The following CPNE8 variants were observed in gnomAD, a reference collection of about 807,000 sequenced individuals.
CPNE8 encodes the protein copine 8, also known as copine-8.
In CPNE8, 45 loss-of-function variants were observed where a neutral mutation model predicts 81.5. The observed-to-expected ratio is 0.55, with a 90% CI of 0.44 to 0.71. The LOEUF (loss-of-function observed/expected upper bound fraction) is 0.71, where lower values mean the gene tolerates loss of function less well. Ranked by LOEUF, CPNE8 falls within the 30% of genes least tolerant of loss-of-function variation. CPNE8 has a pLI of 0.00. For synonymous variants in CPNE8, 252 were observed against 226.3 expected (o/e 1.11, Z -1.02); for missense variants, 594 against 672.1 (o/e 0.88, Z 1.28).
chr12:38,816,396 G>T (rs1461639787), intron 6 of CPNE8, among the ~76,000 whole-genome samples: 1 of 152,080 alleles, frequency 6.6e-6, no homozygotes, highest in Non-Finnish European at 1.5e-5. Flanking sequence ...ATGGGGGAAG[G>T]TATTCAGCCT....
intron 19 of CPNE8, among the ~76,000 whole-genome samples, chr12:38,661,825 T>G (rs1022869774): frequency 6.6e-6 from 1 of 151,674 alleles, no homozygotes; most frequent in Non-Finnish European, 1.5e-5. Context: ...GTAGGATTTA[T>G]CTCAGGAATG....
intron 1 of CPNE8, among the ~76,000 whole-genome samples, chr12:38,887,051 G>A (rs1944247185): frequency 6.6e-6 from 1 of 152,166 alleles, no homozygotes; most frequent in Non-Finnish European, 1.5e-5. Context: ...TAAATCAAGA[G>A]AGACAAGCAC....
intron 16 of CPNE8, among the ~76,000 whole-genome samples, chr12:38,678,126 G>A (rs1002545092): frequency 1.3e-5 from 2 of 151,886 alleles, no homozygotes; most frequent in African/African-American, 2.4e-5. Context: ...AATGGTATAC[G>A]TTTAAATGGT....
intron 6 of CPNE8, among the ~76,000 whole-genome samples, chr12:38,790,754 T>A (rs563033927): frequency 6.6e-6 from 1 of 151,708 alleles, no homozygotes; most frequent in Admixed American, 6.6e-5. Flanking sequence ...ATTAAAAAGA[T>A]TTAAAAACAA....
intron 6 of CPNE8, among the ~76,000 whole-genome samples, chr12:38,795,875 A>AGATAGATAGATAGATG (rs1220335254): frequency 5.3e-5 from 8 of 151,804 alleles, no homozygotes; most frequent in Admixed American, 4.6e-4. Context: ...ATGGATAGAT[A>AGATAGATAGATAGATG]GATAGATAGA....
In CPNE8 at chr12:38,848,546, T is replaced by C; in HGVS notation, c.290+13A>G. 3 of 1,560,270 alleles carry C rather than the reference T, an allele frequency of 1.9e-6. No homozygotes were observed. Among genetic ancestry groups the C allele is most frequent in the South Asian group, 1.2e-5 (1 of 82,318 alleles). On this transcript the variant is annotated intron_variant, in intron 4 of 19. Coordinates refer to ENST00000331366, the MANE Select transcript of CPNE8 (RefSeq NM_153634.3). ...ATCAAATTTTTCTAAACGCAAGTTTTAGTAGAACTTACAAGTCAAAACGAA... is the reference window on the plus strand; with the variant it reads ...ATCAAATTTTTCTAAACGCAAGTTTCAGTAGAACTTACAAGTCAAAACGAA...
chr12:38,662,813 T>C (rs951816874), intron 19 of CPNE8, among the ~76,000 whole-genome samples: 2 of 152,024 alleles, frequency 1.3e-5, no homozygotes, highest in Non-Finnish European at 2.9e-5. Flanking sequence ...TGGAACAGAA[T>C]AGAGAACCCA....
intron 10 of CPNE8, among the ~76,000 whole-genome samples, chr12:38,760,451 A>ATATATATATATG (rs749406707): frequency 0.076 from 9,078 of 119,952 alleles, 642 homozygotes; most frequent in East Asian, 0.3. Flanking sequence ...ATATATATAT[A>ATATATATATATG]TGTGTGTGTA....
intron 6 of CPNE8, among the ~76,000 whole-genome samples, chr12:38,787,986 A>AG (rs1413660220): frequency 6.7e-6 from 1 of 150,246 alleles, no homozygotes; most frequent in Non-Finnish European, 1.5e-5. Context: ...AAAAAAAAAA[A>AG]AAAAAGCCCA....
intron 6 of CPNE8, among the ~76,000 whole-genome samples, chr12:38,799,127 T>C (rs1022090873): frequency 6.6e-6 from 1 of 152,118 alleles, no homozygotes; most frequent in Non-Finnish European, 1.5e-5. Flanking sequence ...ACTGTCAACA[T>C]TAGACAGATC....
chr12:38,864,087 C>CTCCTGTCA (rs1943882515), intron 3 of CPNE8, among the ~76,000 whole-genome samples: 1 of 151,614 alleles, frequency 6.6e-6, no homozygotes. Context: ...AAAAGAATGC[C>CTCCTGTCA]TCCTGTCACC....
At chr12:38,806,186 T>G (rs1942797138) in intron 6 of CPNE8, among the ~76,000 whole-genome samples, 1 of 150,344 alleles carries the variant, frequency 6.7e-6, no homozygotes, top group African/African-American at 2.4e-5. Flanking sequence ...GAGGAGGAAC[T>G]GGTAGCATTC....
At chr12:38,881,187 C>T (rs991615510) in intron 1 of CPNE8, among the ~76,000 whole-genome samples, 19 of 144,128 alleles carry the variant, frequency 1.3e-4, no homozygotes, top group Admixed American at 5.8e-4. Context: ...TCCAGCCTGG[C>T]GGACACAGCG....
At chr12:38,812,403 A>G (rs1016247189) in intron 6 of CPNE8, among the ~76,000 whole-genome samples, 4 of 152,202 alleles carry the variant, frequency 2.6e-5, no homozygotes, top group Non-Finnish European at 5.9e-5. Context: ...GAAAACTTAC[A>G]ATCATGGCAG....
At chr12:38,876,846 A>G (rs1306172659) in intron 1 of CPNE8, among the ~76,000 whole-genome samples, 3 of 152,224 alleles carry the variant, frequency 2.0e-5, no homozygotes, top group African/African-American at 7.2e-5. Context: ...TGATGTATAC[A>G]CTGCAAAAGA....
At chr12:38,716,960 C>T (rs189278960) in intron 13 of CPNE8, among the ~76,000 whole-genome samples, 260 of 151,930 alleles carry the variant, frequency 1.7e-3, no homozygotes, top group African/African-American at 6.0e-3. Flanking sequence ...ACAATGACCC[C>T]ATCAAAAAGT....
chr12:38,805,895 A>G (rs972527660), intron 6 of CPNE8, among the ~76,000 whole-genome samples: 50 of 149,730 alleles, frequency 3.3e-4, no homozygotes, highest in African/African-American at 1.2e-3. Flanking sequence ...AATCAAATAG[A>G]CACAATAAAA....
intron 11 of CPNE8, 142 bp downstream of exon 11, chr12:38,730,141 G>T: frequency 1.8e-6 from 1 of 567,502 alleles, no homozygotes; most frequent in Non-Finnish European, 3.1e-6. Context: ...ATCTAAAAAT[G>T]TCTGCTCAAC....
chr12:38,760,445 ATATATATGTG>A (rs1018864158), intron 10 of CPNE8, among the ~76,000 whole-genome samples: 3 of 139,336 alleles, frequency 2.2e-5, no homozygotes, highest in Non-Finnish European at 1.5e-5. Flanking sequence ...GTATATATAT[ATATATATGTG>A]TGTGTATATA....
Sources: gnomAD v4.1 joint callset for allele counts (sites outside exome capture counted in the v4.1 genomes callset) on GRCh38, gnomAD v4.1.1 for gene constraint, MANE v1.5 for transcripts, NCBI Gene and HGNC (gene_info 2026-07-23, HGNC 2026-07-21) for gene names.